CLIC6: variants seen among roughly 807,000 people sequenced by gnomAD.
CLIC6 encodes the protein chloride intracellular channel protein 6.
CLIC6 carries 39 observed loss-of-function variants against 49.2 expected under a neutral mutation model. The observed-to-expected ratio is 0.79, with a 90% CI of 0.61 to 1.04. The LOEUF is 1.04. CLIC6 is among the 50% of genes least tolerant of loss of function. CLIC6 has a pLI of 0.00. For missense variants in CLIC6, 988 were observed against 993.1 expected (o/e 0.99, Z 0.07); for synonymous variants, 446 against 433.4 (o/e 1.03, Z -0.36).
chr21:34,706,230 T>C (rs1035741542), intron 1 of CLIC6: 10 of 509,756 alleles, frequency 2.0e-5, no homozygotes, highest in Non-Finnish European at 2.4e-5. Context: ...GCACGTCACA[T>C]GGCCAGAGCA....
chr21:34,709,013 C>T (rs369892088), intron 4 of CLIC6, among the ~76,000 whole-genome samples: 1 of 152,204 alleles, frequency 6.6e-6, no homozygotes, highest in Non-Finnish European at 1.5e-5. Context: ...CAGAAAACAA[C>T]ATTTTTAGGG....
In CLIC6 at chr21:34,708,792, A is replaced by G; in HGVS notation, c.1703A>G (p.Lys568Arg). 6.2e-7 allele frequency: 1 copy of G among 1,613,096 alleles called. No homozygotes were observed. The highest frequency in any genetic ancestry group is 8.5e-7 in the Non-Finnish European group (1 of 1,179,002). ...KFSAFIKNTK[K>R]DANEIHEKNL... ...TCAGCGTTTATAAAAAACACGAAGA[A>G]GGATGCAAATGAGAGTGAGTACCTC... Residue 568 changes from lysine to arginine, a missense_variant, in exon 4 of 6, where the codon AAG (lysine) becomes AGG (arginine). By Grantham distance (26) the Lys-to-Arg change is conservative (BLOSUM62 2). Transcript: ENST00000349499.
At chr21:34,712,680 G>A (rs1356766129) in intron 5 of CLIC6, among the ~76,000 whole-genome samples, 1 of 152,176 alleles carries the variant, frequency 6.6e-6, no homozygotes, top group Non-Finnish European at 1.5e-5. Flanking sequence ...AGTCTGGAGG[G>A]GAGGTAAAGA....
At chr21:34,678,779 T>G (rs889185582) in intron 1 of CLIC6, among the ~76,000 whole-genome samples, 1 of 152,116 alleles carries the variant, frequency 6.6e-6, no homozygotes, top group African/African-American at 2.4e-5. Flanking sequence ...TTACTTACCA[T>G]TTTTTTGGAA....
At chr21:34,698,138 C>G (rs1390532998) in intron 1 of CLIC6, among the ~76,000 whole-genome samples, 1 of 152,246 alleles carries the variant, frequency 6.6e-6, no homozygotes, top group African/African-American at 2.4e-5. Flanking sequence ...TGAGGAGTCT[C>G]ATAGACCTGT....
chr21:34,709,713 G>A (rs2056042880), intron 5 of CLIC6, among the ~76,000 whole-genome samples, 175 bp downstream of exon 5: 1 of 152,162 alleles, frequency 6.6e-6, no homozygotes, highest in African/African-American at 2.4e-5. Context: ...ACAGAAGATG[G>A]GCTTCGGGTG....
intron 1 of CLIC6, among the ~76,000 whole-genome samples, chr21:34,705,551 C>T (rs1036666724): frequency 6.6e-6 from 1 of 152,184 alleles, no homozygotes; most frequent in Non-Finnish European, 1.5e-5. Flanking sequence ...TTCTCAGACC[C>T]TCCCCTCTAA....
At chr21:34,673,733 AC>A (rs1239602812) in intron 1 of CLIC6, among the ~76,000 whole-genome samples, 2 of 152,370 alleles carry the variant, frequency 1.3e-5, no homozygotes, top group Non-Finnish European at 1.5e-5. Flanking sequence ...AAAGCAAAAA[AC>A]AAAACTAAAC....
At chr21:34,702,554 A>C (rs1171574627) in intron 1 of CLIC6, among the ~76,000 whole-genome samples, 1 of 152,208 alleles carries the variant, frequency 6.6e-6, no homozygotes, top group Non-Finnish European at 1.5e-5. Flanking sequence ...TCAGTTGTAC[A>C]TGCAGTGAAA....
At chr21:34,678,164 G>T (rs1034696909) in intron 1 of CLIC6, among the ~76,000 whole-genome samples, 4 of 151,992 alleles carry the variant, frequency 2.6e-5, no homozygotes, top group African/African-American at 9.7e-5. Context: ...GGGTGAGGTG[G>T]CTCACGCCTG....
chr21:34,707,226 G>T, intron 1 of CLIC6, 54 bp from the exon 2 acceptor site: 1 of 1,302,050 alleles, frequency 7.7e-7, no homozygotes, highest in Non-Finnish European at 1.1e-6. Context: ...TTGTGGTGTT[G>T]GCACTTATAA....
At chr21:34,716,094 G>A (rs2056083633) in intron 5 of CLIC6, among the ~76,000 whole-genome samples, 1 of 152,230 alleles carries the variant, frequency 6.6e-6, no homozygotes, top group Non-Finnish European at 1.5e-5. Context: ...CTGGTGGGCA[G>A]AACTATGTGC....
In CLIC6 at chr21:34,670,807, C is replaced by T. The variant is rs1398096489; in HGVS notation, c.1374+45C>T. ...ATTCTTAGGACGACCCCCTTCCATTCGAGGTCTTGGTCATCTCAGATCCCA... is the reference window on the plus strand; with the variant it reads ...ATTCTTAGGACGACCCCCTTCCATTTGAGGTCTTGGTCATCTCAGATCCCA... On this transcript the variant is annotated intron_variant, in intron 1 of 5. Transcript: ENST00000349499. 4 of 1,557,556 alleles carry T rather than the reference C, an allele frequency of 2.6e-6. No homozygotes were observed. In the African/African-American group the frequency reaches 4.1e-5, roughly 16 times the overall value.
intron 1 of CLIC6, among the ~76,000 whole-genome samples, chr21:34,704,166 C>T (rs1195315334): frequency 2.6e-5 from 4 of 152,162 alleles, no homozygotes; most frequent in Admixed American, 2.6e-4. Flanking sequence ...GTTATTCCCT[C>T]GGAATATATG....
At chr21:34,702,267 G>A (rs1162018394) in intron 1 of CLIC6, among the ~76,000 whole-genome samples, 1 of 152,130 alleles carries the variant, frequency 6.6e-6, no homozygotes, top group Non-Finnish European at 1.5e-5. Context: ...GACCCAATAG[G>A]GCTGAAACCT....
At chr21:34,716,178 G>A (rs749503789) in intron 5 of CLIC6, 143 bp from the exon 6 acceptor site, 206 of 679,610 alleles carry the variant, frequency 3.0e-4, no homozygotes, top group African/African-American at 1.3e-3. Context: ...TCAAGATGCC[G>A]TGGTGGGTAG....
At chr21:34,693,246 C>A (rs1296978784) in intron 1 of CLIC6, among the ~76,000 whole-genome samples, 2 of 152,112 alleles carry the variant, frequency 1.3e-5, no homozygotes, top group African/African-American at 4.8e-5. Context: ...CCAGGACTTT[C>A]CTGGTTTTAA....
At chr21:34,712,740 A>G (rs550494576) in intron 5 of CLIC6, among the ~76,000 whole-genome samples, 46 of 152,300 alleles carry the variant, frequency 3.0e-4, no homozygotes, top group African/African-American at 1.0e-3. Flanking sequence ...CTGAGCAGAG[A>G]AAAGAATCTA....
chr21:34,684,202 G>T (rs568663868), intron 1 of CLIC6, among the ~76,000 whole-genome samples: 3 of 152,232 alleles, frequency 2.0e-5, no homozygotes, highest in African/African-American at 7.2e-5. Context: ...GGGGCTGGGG[G>T]TGTAACAGTG....
Sources: allele counts gnomAD v4.1 joint callset (sites outside exome capture counted in the v4.1 genomes callset), GRCh38; gene constraint gnomAD v4.1.1; transcripts MANE v1.5; gene names NCBI Gene and HGNC (gene_info 2026-07-23, HGNC 2026-07-21).